The following TUBD1 variants were observed in gnomAD, a reference collection of about 807,000 sequenced individuals.
TUBD1 encodes the protein tubulin delta chain.
In TUBD1, 38 loss-of-function variants were observed where a neutral mutation model predicts 51.2. The observed-to-expected ratio is 0.74, with a 90% CI of 0.57 to 0.97. TUBD1 has a LOEUF of 0.97. TUBD1 is among the 50% of genes least tolerant of loss of function. TUBD1 has a pLI of 0.00. For missense variants in TUBD1, 489 were observed against 538.4 expected (o/e 0.91, Z 0.91); for synonymous variants, 169 against 178.2 (o/e 0.95, Z 0.41).
chr17:59,865,334 A>G (rs62081826), intron 7 of TUBD1, among the ~76,000 whole-genome samples: 283 of 152,144 alleles, frequency 1.9e-3, no homozygotes, highest in Admixed American at 4.1e-3. Flanking sequence ...AGGCAGGTGG[A>G]TCACTTGAGG....
At chr17:59,881,668 T>C (rs2040494327) in intron 3 of TUBD1, among the ~76,000 whole-genome samples, 2 of 135,090 alleles carry the variant, frequency 1.5e-5, no homozygotes, top group African/African-American at 6.0e-5. Flanking sequence ...ATTACAATTC[T>C]TCTCTTTAAG....
At chr17:59,889,668 C>CAAAAAAAAA (rs1195587619) in intron 2 of TUBD1, among the ~76,000 whole-genome samples, 1 of 54,184 alleles carries the variant, frequency 1.8e-5, no homozygotes, top group Non-Finnish European at 3.6e-5. Context: ...GACTCTGTCT[C>CAAAAAAAAA]AAAAAAAAAA....
intron 3 of TUBD1, among the ~76,000 whole-genome samples, chr17:59,884,254 CTT>C (rs903013306): frequency 2.1e-5 from 3 of 145,736 alleles, no homozygotes; most frequent in Non-Finnish European, 4.5e-5. Context: ...GAGCAAGACT[CTT>C]GTCTTAAAAA....
chr17:59,877,247 CCA>C (rs2040267569), intron 5 of TUBD1, among the ~76,000 whole-genome samples: 1 of 152,220 alleles, frequency 6.6e-6, no homozygotes, highest in Non-Finnish European at 1.5e-5. Flanking sequence ...TGGCAAAATC[CCA>C]GTCTTCGGCC....
intron 6 of TUBD1, among the ~76,000 whole-genome samples, chr17:59,868,513 T>C (rs2039820647): frequency 1.3e-5 from 2 of 151,626 alleles, no homozygotes. Flanking sequence ...CTGGGCAACA[T>C]AGTCAGACCC....
intron 2 of TUBD1, among the ~76,000 whole-genome samples, chr17:59,888,572 G>T (rs1027244713): frequency 6.6e-6 from 1 of 152,082 alleles, no homozygotes; most frequent in Admixed American, 6.6e-5. Flanking sequence ...CTGGGCTAGA[G>T]GTCTGAAAGT....
intron 7 of TUBD1, among the ~76,000 whole-genome samples, chr17:59,864,925 T>C (rs1293815172): frequency 4.6e-5 from 7 of 151,804 alleles, no homozygotes; most frequent in African/African-American, 1.2e-4. Flanking sequence ...ACCACCATCA[T>C]TGGTCACTGC....
Position 59,860,373 on chromosome 17 carries a change from TA to T in TUBD1, c.1310del (p.Leu437Ter). ...CCTGCTCTAATGACGTGAAACTGTC[TA>T]AAAAGTCCTCTTCTTCGATTCCAAA... Reference protein sequence around the residue: ...TKFGIEEEDFLDSFTSLEQVV... With the variant: ...TKFGIEEEDFXDSFTSLEQVV... On this transcript the variant is annotated frameshift_variant, in exon 9 of 9. Transcript: ENST00000325752. LOFTEE classifies it high-confidence loss of function. The T allele has an allele frequency of 6.2e-7, 1 of 1,612,484 alleles. No individual in the cohort carries two copies. The highest frequency in any genetic ancestry group is 8.5e-7 in the Non-Finnish European group (1 of 1,179,402).
At chr17:59,885,327 G>A in intron 3 of TUBD1, 1 of 651,176 alleles carries the variant, frequency 1.5e-6, no homozygotes, top group African/African-American at 1.8e-5. Flanking sequence ...TGCACTGGCA[G>A]CTAGACATGT....
In TUBD1 at chr17:59,863,742, A is replaced by G. The variant is rs763159701; in HGVS notation, c.1181T>C (p.Val394Ala). The change falls in exon 8 of 9, where the codon GTG becomes GCG. Residue 394 changes from valine to alanine, a missense_variant. Val to Ala is a moderately conservative substitution (Grantham distance 64). Coordinates refer to ENST00000325752, the MANE Select transcript of TUBD1 (RefSeq NM_016261.4). ...RAFSKYEKSA[V>A]LVSNSQFLVK... The stretch of plus-strand genomic sequence containing the variant: ...TAAGAACTGGCTGTTGCTGACCAAC[A>G]CTGCAGACTTCTCATATTTGCTAAA... 6.2e-7 allele frequency: 1 copy of G among 1,610,468 alleles called. No individual in the cohort carries two copies. Among genetic ancestry groups the G allele is most frequent in the South Asian group, 1.1e-5 (1 of 89,952 alleles).
chr17:59,862,926 G>A (rs566161419), intron 8 of TUBD1, among the ~76,000 whole-genome samples: 5 of 151,712 alleles, frequency 3.3e-5, no homozygotes, highest in Middle Eastern at 3.4e-3. Flanking sequence ...GGGTTTCACC[G>A]TGTTAGCCAG....
At chr17:59,877,041 G>A (rs995793884) in intron 5 of TUBD1, among the ~76,000 whole-genome samples, 2 of 151,856 alleles carry the variant, frequency 1.3e-5, no homozygotes, top group Admixed American at 1.3e-4. Context: ...TGTATTTTCT[G>A]TAGAGCTGGG....
At chr17:59,892,392 A>C (rs1024167936) in intron 1 of TUBD1, among the ~76,000 whole-genome samples, 2 of 152,204 alleles carry the variant, frequency 1.3e-5, no homozygotes, top group East Asian at 3.8e-4. Flanking sequence ...AAAAAGAAAG[A>C]AAGCAAAAGA....
chr17:59,872,694 A>ATGTGTG (rs60720420), intron 6 of TUBD1, among the ~76,000 whole-genome samples: 11,819 of 142,494 alleles, frequency 0.083, 621 homozygotes, highest in East Asian at 0.25. Context: ...GAAAATGGGA[A>ATGTGTG]TGTGTGTGTG....
intron 6 of TUBD1, among the ~76,000 whole-genome samples, chr17:59,874,040 T>C (rs906145252): frequency 6.6e-6 from 1 of 151,062 alleles, no homozygotes; most frequent in African/African-American, 2.4e-5. Context: ...ATACAAAAAA[T>C]TAGCCGGGCG....
chr17:59,890,062 T>G (rs1426135216), intron 2 of TUBD1, among the ~76,000 whole-genome samples: 1 of 151,234 alleles, frequency 6.6e-6, no homozygotes, highest in Admixed American at 6.6e-5. Context: ...GACCTGTGAA[T>G]AGCCACCGCA....
intron 3 of TUBD1, among the ~76,000 whole-genome samples, chr17:59,881,810 C>CGCCCTG (rs1448166559): frequency 6.6e-6 from 1 of 151,832 alleles, no homozygotes; most frequent in African/African-American, 2.4e-5. Flanking sequence ...GCTGGGATTA[C>CGCCCTG]AGATGCCCGA....
intron 2 of TUBD1, among the ~76,000 whole-genome samples, chr17:59,890,312 C>T (rs1464446145): frequency 6.6e-6 from 1 of 152,046 alleles, no homozygotes; most frequent in African/African-American, 2.4e-5. Flanking sequence ...GGTGCGGTCT[C>T]GGCTCACTGC....
intron 5 of TUBD1, 68 bp downstream of exon 5, chr17:59,878,034 GA>G (rs2040304875): frequency 3.1e-6 from 4 of 1,283,344 alleles, no homozygotes; most frequent in Admixed American, 2.0e-5. Flanking sequence ...GGAGGAGACA[GA>G]AAGAATAAAC....
Sources: allele counts gnomAD v4.1 joint callset (sites outside exome capture counted in the v4.1 genomes callset), GRCh38; gene constraint gnomAD v4.1.1; transcripts MANE v1.5; gene names NCBI Gene and HGNC (gene_info 2026-07-23, HGNC 2026-07-21).